COL22A1: variants seen among roughly 807,000 people sequenced by gnomAD.
COL22A1 encodes the protein collagen type XXII alpha 1 chain.
COL22A1 carries 221 observed loss-of-function variants against 248.9 expected under a neutral mutation model. The ratio of observed to expected loss-of-function variants is 0.89; its 90% CI spans 0.80 to 0.99. The LOEUF (loss-of-function observed/expected upper bound fraction) is 0.99. Ranked by LOEUF, COL22A1 falls within the 50% of genes least tolerant of loss-of-function variation. The pLI, the probability that COL22A1 is intolerant of heterozygous loss-of-function variation, is 0.00. For missense variants in COL22A1, 2,240 were observed against 2,179.0 expected, an observed-to-expected ratio of 1.03 and a Z score of -0.56; for synonymous variants, 891 against 793.4, an observed-to-expected ratio of 1.12 and a Z score of -2.07.
intron 17 of COL22A1, 41 bp downstream of exon 17, chr8:138,762,372 C>G: frequency 3.1e-6 from 5 of 1,602,176 alleles, no homozygotes; most frequent in Non-Finnish European, 4.3e-6. Flanking sequence ...ATCCTCTGAC[C>G]GCTGATGAAA....
rs558402488 is a variant in COL22A1 at position 138,804,609 on chromosome 8, C to T, written c.1495-1675G>A. On this transcript the variant is annotated intron_variant, in intron 10 of 64. Coordinates refer to ENST00000303045, the MANE Select transcript of COL22A1 (RefSeq NM_152888.3). ...ATGCAGAAACCCCTGCCATCCTCCT[C>T]ACAGCGACCAGCTGGCACCTGGGCT... 3.3e-5 allele frequency among the ~76,000 whole-genome samples: 5 copies of T among 152,350 alleles called. No homozygotes were observed. The East Asian group carries it at 9.7e-4, about 29-fold the overall frequency.
At chr8:138,858,312 T>G (rs1386937030) in intron 3 of COL22A1, among the ~76,000 whole-genome samples, 2 of 152,182 alleles carry the variant, frequency 1.3e-5, no homozygotes, top group Non-Finnish European at 2.9e-5. Context: ...GACTTCCAAG[T>G]CACACAGAGC....
At chr8:138,755,548 A>T (rs747224494) in intron 19 of COL22A1, 37 bp from the exon 20 acceptor site, 11 of 1,612,744 alleles carry the variant, frequency 6.8e-6, no homozygotes, top group Non-Finnish European at 8.5e-6. Flanking sequence ...AGGTGCTGGC[A>T]TTTCCGCAAC....
At chr8:138,912,825 C>A (rs913099477) in intron 1 of COL22A1, among the ~76,000 whole-genome samples, 1 of 152,020 alleles carries the variant, frequency 6.6e-6, no homozygotes, top group Non-Finnish European at 1.5e-5. Context: ...GAGGGGGACC[C>A]GGCACACAGC....
chr8:138,664,243 A>C, intron 41 of COL22A1, among the ~76,000 whole-genome samples: 1 of 151,082 alleles, frequency 6.6e-6, no homozygotes, highest in South Asian at 2.1e-4. Context: ...ACACACACAC[A>C]CACACACACA....
intron 16 of COL22A1, among the ~76,000 whole-genome samples, chr8:138,771,845 G>A (rs1586704237): frequency 6.6e-6 from 1 of 152,166 alleles, no homozygotes; most frequent in Admixed American, 6.5e-5. Flanking sequence ...TGGCCCCCCG[G>A]GGCCTGCGGA....
rs756401652 is a variant in COL22A1 at position 138,833,036 on chromosome 8, C to G, written c.845+3G>C. ...AGGTCTGGAAAGAGAAGTGGCCACT[C>G]ACTCAGTACTTTGCACCACAGGGAA... On this transcript the variant is annotated splice_donor_region_variant and intron_variant, in intron 5 of 64. Transcript: ENST00000303045. 3 of 1,589,186 alleles carry G rather than the reference C, an allele frequency of 1.9e-6. No individual in the cohort carries two copies. The highest frequency in any genetic ancestry group is 2.2e-5 in the East Asian group (1 of 44,720).
Position 138,755,403 on chromosome 8 carries a change from G to A in COL22A1, c.1977+79C>T, listed in dbSNP as rs1304326754. On this transcript the variant is annotated intron_variant, in intron 20 of 64. Coordinates refer to ENST00000303045, the MANE Select transcript of COL22A1 (RefSeq NM_152888.3). ...GTCTGAAAGGCTCCATCTGAGTTCA[G>A]CCTGAGATCATGGTTGTGGCTTTTC... The A allele has an allele frequency of 2.0e-6, 3 of 1,479,858 alleles. No individual in the cohort carries two copies. The East Asian group carries it at 6.8e-5, about 33-fold the overall frequency. 91.7% of individuals were successfully genotyped at this position (1,479,858 alleles called of 1,614,324 possible).
At chr8:138,756,380 A>G (rs1833005936) in intron 18 of COL22A1, among the ~76,000 whole-genome samples, 2 of 152,156 alleles carry the variant, frequency 1.3e-5, no homozygotes, top group Admixed American at 1.3e-4. Flanking sequence ...CTTGGCCTCC[A>G]GGTCCCCTGG....
Position 138,598,887 on chromosome 8 carries a change from C to G in COL22A1, c.4197G>C (p.Gly1399=). The G allele has an allele frequency of 6.2e-7, 1 of 1,614,106 alleles. No homozygotes were observed. The highest frequency in any genetic ancestry group is 8.5e-7 in the Non-Finnish European group (1 of 1,180,004). ...PGFKGERGDP[G]IKGDKGPPGG... Reference sequence around the variant, plus strand: ...CAGGAGGTCCTTTGTCACCTTTGATCCCAGGATCTCCCTAAGGAGGAAATA... The same window carrying G: ...CAGGAGGTCCTTTGTCACCTTTGATGCCAGGATCTCCCTAAGGAGGAAATA... Residue 1399 remains glycine (G), a synonymous_variant, in exon 61 of 65, where the codon GGG becomes GGC. Transcript: ENST00000303045.
At position 138,593,226 on chromosome 8, in the gene COL22A1, G is replaced by A. The variant is rs986121472; in HGVS notation, c.4615+791C>T. On this transcript the variant is annotated intron_variant, in intron 63 of 64. Coordinates refer to ENST00000303045, the MANE Select transcript of COL22A1 (RefSeq NM_152888.3). ...ACACCAGGGCCTGTCGGGGGGTGGGGGTCAAGGGGACAGAGGGCATTAGGA... is the reference window on the plus strand; with the variant it reads ...ACACCAGGGCCTGTCGGGGGGTGGGAGTCAAGGGGACAGAGGGCATTAGGA... Among the ~76,000 whole-genome samples the A allele has an allele frequency of 2.6e-5, 4 of 151,924 alleles. No homozygotes were observed. In the East Asian group the frequency reaches 5.8e-4, roughly 22 times the overall value.
chr8:138,842,132 G>A (rs191420842), intron 4 of COL22A1, among the ~76,000 whole-genome samples: 15 of 152,248 alleles, frequency 9.9e-5, no homozygotes, highest in African/African-American at 2.9e-4. Context: ...TCCTCATTCC[G>A]CCACAAACTC....
intron 56 of COL22A1, 53 bp from the exon 57 acceptor site, chr8:138,608,042 G>C: frequency 1.3e-6 from 2 of 1,563,380 alleles, no homozygotes; most frequent in South Asian, 2.2e-5. Flanking sequence ...AGAGCAGGAC[G>C]GTGGAACAAA....
Position 138,632,865 on chromosome 8 carries a change from G to C in COL22A1, c.3610-2117C>G, listed in dbSNP as rs62527865. Among the ~76,000 whole-genome samples, 1,071 of 152,210 alleles carry C rather than the reference G, an allele frequency of 7.0e-3. 5 individuals carry two copies. The highest frequency in any genetic ancestry group is 9.2e-3 in the Admixed American group (140 of 15,278). ...GTCCAAAGCTAATATAACAAATCTA[G>C]ATTTTTCCACATAACTTTGATAAAA... is the stretch of plus-strand genomic sequence containing the variant. On this transcript the variant is annotated intron_variant, in intron 49 of 64. Transcript: ENST00000303045.
At chr8:138,692,262 G>GTGTACATGTGTGTA (rs1827100092) in intron 35 of COL22A1, among the ~76,000 whole-genome samples, 1 of 143,594 alleles carries the variant, frequency 7.0e-6, no homozygotes, top group African/African-American at 2.6e-5. Context: ...GTGTGCGTGT[G>GTGTACATGTGTGTA]TGCATGTTTG....
intron 30 of COL22A1, among the ~76,000 whole-genome samples, chr8:138,713,336 C>T (rs1829172862): frequency 6.6e-6 from 1 of 152,088 alleles, no homozygotes; most frequent in South Asian, 2.1e-4. Context: ...CTCTCTATGC[C>T]TTAGTTCTTT....
At chr8:138,608,100 C>T (rs1171160222) in intron 56 of COL22A1, 111 bp from the exon 57 acceptor site, 9 of 891,882 alleles carry the variant, frequency 1.0e-5, no homozygotes, top group African/African-American at 3.4e-5. Flanking sequence ...ATCTGTTACT[C>T]TAGCCAGTGT....
At chr8:138,597,873 T>C (rs934556519) in intron 61 of COL22A1, among the ~76,000 whole-genome samples, 4 of 152,208 alleles carry the variant, frequency 2.6e-5, no homozygotes, top group African/African-American at 9.6e-5. Flanking sequence ...TCCACTGACT[T>C]GGCCAAGAGA....
intron 16 of COL22A1, among the ~76,000 whole-genome samples, chr8:138,762,845 CATTT>C (rs2131400985): frequency 6.6e-6 from 1 of 152,274 alleles, no homozygotes; most frequent in South Asian, 2.1e-4. Flanking sequence ...ATGCATCATT[CATTT>C]GTCCCGTAAA....
Sources: gnomAD v4.1 joint callset for allele counts (sites outside exome capture counted in the v4.1 genomes callset) on GRCh38, gnomAD v4.1.1 for gene constraint, MANE v1.5 for transcripts, NCBI Gene and HGNC (gene_info 2026-07-23, HGNC 2026-07-21) for gene names.